The following CPNE8 variants were observed in gnomAD, a reference collection of about 807,000 sequenced individuals.
CPNE8 encodes copine-8.
CPNE8 carries 45 observed loss-of-function variants against 81.5 expected under a neutral mutation model. The ratio of observed to expected loss-of-function variants is 0.55; its 90% CI spans 0.44 to 0.71. The LOEUF (loss-of-function observed/expected upper bound fraction) is 0.71. Ranked by LOEUF, CPNE8 falls within the 30% of genes least tolerant of loss-of-function variation. The pLI is 0.00. For synonymous variants in CPNE8, 252 were observed against 226.3 expected (o/e 1.11, Z -1.02); for missense variants, 594 against 672.1 (o/e 0.88, Z 1.28).
intron 6 of CPNE8, among the ~76,000 whole-genome samples, chr12:38,819,025 G>A (rs549531836): frequency 6.6e-6 from 1 of 152,128 alleles, no homozygotes; most frequent in Non-Finnish European, 1.5e-5. Flanking sequence ...TAAAGATTCT[G>A]GATTTCAGAT....
chr12:38,852,155 C>T (rs577141020), intron 3 of CPNE8, among the ~76,000 whole-genome samples: 3 of 152,160 alleles, frequency 2.0e-5, no homozygotes, highest in East Asian at 1.9e-4. Flanking sequence ...AGGCTGGGCG[C>T]GGTGGCTCAC....
chr12:38,752,696 C>T (rs375729695), intron 10 of CPNE8, among the ~76,000 whole-genome samples: 9 of 152,208 alleles, frequency 5.9e-5, no homozygotes, highest in East Asian at 1.9e-4. Context: ...TCTTGGTAAA[C>T]GAAGAGTTAA....
intron 1 of CPNE8, among the ~76,000 whole-genome samples, chr12:38,898,708 C>G (rs918752670): frequency 6.6e-6 from 1 of 152,128 alleles, no homozygotes; most frequent in Non-Finnish European, 1.5e-5. Flanking sequence ...TAAGGTAGAG[C>G]CTCCAACTGT....
intron 10 of CPNE8, among the ~76,000 whole-genome samples, chr12:38,739,818 T>C (rs539605622): frequency 6.6e-6 from 1 of 152,292 alleles, no homozygotes; most frequent in South Asian, 2.1e-4. Flanking sequence ...AAAATTTACA[T>C]TTTAACATAT....
At chr12:38,671,315 T>C (rs1939170940) in intron 18 of CPNE8, among the ~76,000 whole-genome samples, 1 of 152,054 alleles carries the variant, frequency 6.6e-6, no homozygotes, top group Non-Finnish European at 1.5e-5. Flanking sequence ...TGCCTGATTT[T>C]TACTTTACAA....
At chr12:38,724,695 T>G (rs1323528495) in intron 12 of CPNE8, 151 bp downstream of exon 12, 9 of 535,254 alleles carry the variant, frequency 1.7e-5, no homozygotes, top group Non-Finnish European at 2.9e-5. Flanking sequence ...CCTGAGAAGT[T>G]GATTTTTCTA....
At chr12:38,881,908 GA>G (rs566534874) in intron 1 of CPNE8, among the ~76,000 whole-genome samples, 10 of 151,782 alleles carry the variant, frequency 6.6e-5, no homozygotes, top group African/African-American at 2.2e-4. Context: ...AAAAAATGGA[GA>G]AAAAAAAGAG....
intron 6 of CPNE8, among the ~76,000 whole-genome samples, chr12:38,786,638 G>A (rs1165225500): frequency 6.6e-6 from 1 of 152,028 alleles, no homozygotes; most frequent in Admixed American, 6.6e-5. Flanking sequence ...AGAGGACCCT[G>A]ATTAATACAA....
intron 6 of CPNE8, 47 bp downstream of exon 6, chr12:38,829,332 A>C (rs1943248235): frequency 1.5e-6 from 2 of 1,308,956 alleles, no homozygotes; most frequent in Non-Finnish European, 2.2e-6. Context: ...GACAAAATAG[A>C]AACTGTTAAA....
At chr12:38,670,412 A>G (rs1460911694) in intron 19 of CPNE8, among the ~76,000 whole-genome samples, 1 of 151,980 alleles carries the variant, frequency 6.6e-6, no homozygotes, top group Non-Finnish European at 1.5e-5. Context: ...TTACTTAAGT[A>G]TTTTTCTTAA....
At chr12:38,882,742 C>T (rs1175136572) in intron 1 of CPNE8, among the ~76,000 whole-genome samples, 2 of 152,212 alleles carry the variant, frequency 1.3e-5, no homozygotes, top group East Asian at 1.9e-4. Flanking sequence ...GCACCTGCCA[C>T]ATTCTGACCC....
chr12:38,717,427 GTGTATATATA>G lies in CPNE8; in HGVS notation c.914+6335_914+6344del, dbSNP rs1246342857. ...CCAACAAGTAAACAAAGAAAGTGTGGTGTATATATATATATATATATATATATATATACAC... is the reference window on the plus strand; with the variant it reads ...CCAACAAGTAAACAAAGAAAGTGTGGTATATATATATATATATATATACAC... On this transcript the variant is annotated intron_variant, in intron 13 of 19. Transcript: ENST00000331366. Among the ~76,000 whole-genome samples, 261 of 69,712 alleles carry G rather than the reference GTGTATATATA, an allele frequency of 3.7e-3. 14 individuals are homozygous for G. Among genetic ancestry groups the G allele is most frequent in the African/African-American group, 0.014 (247 of 17,468 alleles). The allele number at this position is 69,712 out of a possible 152,430, so 45.7% of individuals were successfully genotyped here. A position where few individuals can be genotyped will look rare whatever the true frequency, so the allele number is the denominator to read the frequency against.
intron 2 of CPNE8, among the ~76,000 whole-genome samples, chr12:38,874,108 C>A (rs1364659455): frequency 6.7e-6 from 1 of 150,068 alleles, no homozygotes; most frequent in African/African-American, 2.5e-5. Flanking sequence ...CCACCACTTT[C>A]ATTTAAAAAA....
At chr12:38,686,728 T>A (rs1939543182) in intron 15 of CPNE8, among the ~76,000 whole-genome samples, 1 of 152,186 alleles carries the variant, frequency 6.6e-6, no homozygotes, top group Non-Finnish European at 1.5e-5. Flanking sequence ...AAGGATCTAT[T>A]TCCAAAAAGG....
chr12:38,684,953 A>C (rs11169105), intron 16 of CPNE8, among the ~76,000 whole-genome samples: 1 of 152,118 alleles, frequency 6.6e-6, no homozygotes, highest in Non-Finnish European at 1.5e-5. Context: ...ACTTGGAGTA[A>C]TAAGCAATTA....
chr12:38,872,433 T>A (rs963631254), intron 3 of CPNE8, among the ~76,000 whole-genome samples: 71 of 152,214 alleles, frequency 4.7e-4, no homozygotes, highest in African/African-American at 1.6e-3. Flanking sequence ...TATAGGCAGA[T>A]GGAAATGCCT....
At chr12:38,895,403 T>A (rs888969330) in intron 1 of CPNE8, among the ~76,000 whole-genome samples, 3 of 152,066 alleles carry the variant, frequency 2.0e-5, no homozygotes, top group African/African-American at 7.2e-5. Context: ...TCATTTCAAT[T>A]AACTTTTCTT....
intron 14 of CPNE8, among the ~76,000 whole-genome samples, chr12:38,695,460 T>A (rs1939772122): frequency 6.6e-6 from 1 of 152,080 alleles, no homozygotes; most frequent in South Asian, 2.1e-4. Context: ...TGTTTTGGAG[T>A]AGTTGAGTTC....
intron 19 of CPNE8, among the ~76,000 whole-genome samples, chr12:38,655,466 A>C (rs1046337950): frequency 6.6e-6 from 1 of 152,208 alleles, no homozygotes; most frequent in Non-Finnish European, 1.5e-5. Context: ...AGGCAAAGTG[A>C]AGACATTTTA....
Sources: gnomAD v4.1 joint callset for allele counts (sites outside exome capture counted in the v4.1 genomes callset) on GRCh38, gnomAD v4.1.1 for gene constraint, MANE v1.5 for transcripts, NCBI Gene and HGNC (gene_info 2026-07-23, HGNC 2026-07-21) for gene names.